TCF12: variants seen among roughly 807,000 people sequenced by gnomAD.
TCF12 encodes transcription factor 12.
TCF12 carries 45 observed loss-of-function variants against 86.0 expected under a neutral mutation model. The ratio of observed to expected loss-of-function variants is 0.52; its 90% CI spans 0.41 to 0.67. The LOEUF is 0.67. Ranked by LOEUF, TCF12 falls within the 30% of genes least tolerant of loss-of-function variation. TCF12 has a pLI of 0.00. For missense variants in TCF12, 881 were observed against 859.9 expected (o/e 1.02, Z -0.31); for synonymous variants, 330 against 299.6 (o/e 1.10, Z -1.05).
intron 3 of TCF12, among the ~76,000 whole-genome samples, chr15:56,962,806 C>T (rs1286564473): frequency 6.6e-6 from 1 of 152,100 alleles, no homozygotes; most frequent in Non-Finnish European, 1.5e-5. Flanking sequence ...ATAATGTGAA[C>T]AGCTCGACTT....
At chr15:57,208,184 C>T (rs2057928684) in intron 8 of TCF12, among the ~76,000 whole-genome samples, 1 of 151,450 alleles carries the variant, frequency 6.6e-6, no homozygotes, top group East Asian at 1.9e-4. Context: ...AGGCATCTGC[C>T]ACCACACCCA....
intron 3 of TCF12, among the ~76,000 whole-genome samples, chr15:57,017,168 CACTG>C (rs2065199666): frequency 6.6e-6 from 1 of 152,184 alleles, no homozygotes; most frequent in South Asian, 2.1e-4. Context: ...ACACAGTTGA[CACTG>C]AGATTATGGG....
At chr15:57,150,443 A>G (rs536873127) in intron 5 of TCF12, among the ~76,000 whole-genome samples, 1 of 152,312 alleles carries the variant, frequency 6.6e-6, no homozygotes, top group Non-Finnish European at 1.5e-5. Flanking sequence ...ACTAAAGGGT[A>G]TTCTTGACCC....
intron 3 of TCF12, 99 bp from the exon 4 acceptor site, chr15:57,063,651 C>T (rs548363609): frequency 1.4e-5 from 12 of 880,004 alleles, no homozygotes; most frequent in South Asian, 6.9e-5. Context: ...TCCACGAAAG[C>T]GCAAATACCA....
At chr15:56,983,628 G>A (rs1490299006) in intron 3 of TCF12, among the ~76,000 whole-genome samples, 1 of 152,008 alleles carries the variant, frequency 6.6e-6, no homozygotes, top group Non-Finnish European at 1.5e-5. Flanking sequence ...ATACTAATAT[G>A]CATTTCAGTT....
intron 18 of TCF12, 132 bp downstream of exon 18, chr15:57,263,406 G>T: frequency 1.1e-6 from 1 of 905,504 alleles, no homozygotes; most frequent in South Asian, 1.7e-5. Context: ...TGTGTATGTT[G>T]TCTCATTTAA....
At chr15:57,215,614 C>T (rs1240611369) in intron 8 of TCF12, among the ~76,000 whole-genome samples, 1 of 152,082 alleles carries the variant, frequency 6.6e-6, no homozygotes, top group East Asian at 1.9e-4. Flanking sequence ...GCTTTTGGGA[C>T]AGTGGAATGT....
At chr15:57,030,857 GAAGT>G in intron 3 of TCF12, among the ~76,000 whole-genome samples, 1 of 152,284 alleles carries the variant, frequency 6.6e-6, no homozygotes, top group Non-Finnish European at 1.5e-5. Context: ...CACATTTGTA[GAAGT>G]GAGTTACTGT....
chr15:57,193,663 A>G (rs1294614130), intron 7 of TCF12, among the ~76,000 whole-genome samples: 1 of 152,190 alleles, frequency 6.6e-6, no homozygotes, highest in Non-Finnish European at 1.5e-5. Flanking sequence ...ACATTTTTTT[A>G]TTGCACAGGC....
intron 5 of TCF12, among the ~76,000 whole-genome samples, chr15:57,158,173 C>G (rs910670487): frequency 6.7e-6 from 1 of 148,724 alleles, no homozygotes; most frequent in Admixed American, 6.8e-5. Flanking sequence ...ATGTTAAAGT[C>G]TCAGAAAGTC....
At position 57,192,234 on chromosome 15, in the gene TCF12, A is replaced by G; in HGVS notation, c.467A>G (p.Tyr156Cys). The stretch of plus-strand genomic sequence containing the variant: ...TCTTCAGGAAAACCTGGGACAGCAT[A>G]CTATTCATTCTCTGCTACAAGTTCC... ...LSSSGKPGTAYYSFSATSSRR... is the reference protein window; with the variant it reads ...LSSSGKPGTACYSFSATSSRR... Residue 156 changes from tyrosine to cysteine, a missense_variant, in exon 7 of 21, where the codon TAC becomes TGC. By Grantham distance (194) the Tyr-to-Cys change is radical (BLOSUM62 -2). Transcript: ENST00000333725. 1 of 1,614,120 alleles carries G rather than the reference A, an allele frequency of 6.2e-7. No homozygotes were observed. The highest frequency in any genetic ancestry group is 8.5e-7 in the Non-Finnish European group (1 of 1,180,002).
chr15:57,195,832 T>G (rs530623888), intron 7 of TCF12, among the ~76,000 whole-genome samples: 2 of 152,014 alleles, frequency 1.3e-5, no homozygotes, highest in South Asian at 4.2e-4. Flanking sequence ...GTGAAACACC[T>G]CTCTACAAAC....
At chr15:57,106,413 TAA>T (rs2151202296) in intron 5 of TCF12, among the ~76,000 whole-genome samples, 1 of 152,324 alleles carries the variant, frequency 6.6e-6, no homozygotes, top group South Asian at 2.1e-4. Context: ...TATTCCAAAA[TAA>T]AAAGTTTGTT....
intron 5 of TCF12, among the ~76,000 whole-genome samples, chr15:57,157,076 T>C (rs567924347): frequency 2.1e-4 from 32 of 152,342 alleles, no homozygotes; most frequent in African/African-American, 7.2e-4. Context: ...GGTGATGTGA[T>C]TGTTACTTGA....
At chr15:57,079,404 C>T (rs1230547042) in intron 4 of TCF12, among the ~76,000 whole-genome samples, 1 of 152,084 alleles carries the variant, frequency 6.6e-6, no homozygotes, top group Non-Finnish European at 1.5e-5. Context: ...ATTAAAAAAT[C>T]CATGAGAATT....
At chr15:56,969,857 A>G (rs138983230) in intron 3 of TCF12, among the ~76,000 whole-genome samples, 1 of 152,232 alleles carries the variant, frequency 6.6e-6, no homozygotes, top group African/African-American at 2.4e-5. Context: ...AGACGAGATC[A>G]GAAGACTGTG....
chr15:56,948,926 T>C (rs527471774), intron 3 of TCF12, among the ~76,000 whole-genome samples: 1 of 152,330 alleles, frequency 6.6e-6, no homozygotes, highest in African/African-American at 2.4e-5. Context: ...AGGCCACATA[T>C]CAGATTACCT....
intron 18 of TCF12, among the ~76,000 whole-genome samples, chr15:57,272,026 G>C (rs2061168045): frequency 6.6e-6 from 1 of 152,070 alleles, no homozygotes; most frequent in Non-Finnish European, 1.5e-5. Context: ...CCATAGTTTT[G>C]TGTTTTCTAG....
intron 3 of TCF12, among the ~76,000 whole-genome samples, chr15:57,063,039 T>G (rs1241408799): frequency 3.9e-5 from 6 of 152,140 alleles, no homozygotes; most frequent in Non-Finnish European, 5.9e-5. Context: ...AGAAGATGCA[T>G]TAAGGATGCA....
Sources: allele counts gnomAD v4.1 joint callset (sites outside exome capture counted in the v4.1 genomes callset), GRCh38; gene constraint gnomAD v4.1.1; transcripts MANE v1.5; gene names NCBI Gene and HGNC (gene_info 2026-07-23, HGNC 2026-07-21).